Variants in FAM13B observed in about 807,000 individuals in gnomAD.
FAM13B encodes family with sequence similarity 13 member B, also known as protein FAM13B.
FAM13B carries 60 observed loss-of-function variants against 117.3 expected under a neutral mutation model. The ratio of observed to expected loss-of-function variants is 0.51; its 90% CI spans 0.42 to 0.63. FAM13B has a LOEUF of 0.63. Ranked by LOEUF, FAM13B falls within the 30% of genes least tolerant of loss-of-function variation. The pLI, the probability that FAM13B is intolerant of heterozygous loss-of-function variation, is 0.00. For missense variants in FAM13B, 972 were observed against 1,091.9 expected (o/e 0.89, Z 1.55); for synonymous variants, 332 against 356.1 (o/e 0.93, Z 0.76).
At chr5:138,014,801 T>G (rs1784876157) in intron 4 of FAM13B, among the ~76,000 whole-genome samples, 6 of 152,260 alleles carry the variant, frequency 3.9e-5, no homozygotes, top group Admixed American at 3.9e-4. Context: ...GTACCTATAC[T>G]GGCCTGTGTC....
At chr5:138,036,510 C>T (rs1791179543), upstream of FAM13B, 1 of 456,612 alleles carries the variant, frequency 2.2e-6, no homozygotes, top group Admixed American at 2.3e-5. Flanking sequence ...GTCAAGTGCT[C>T]TGAGCAGATC....
rs193118944 is a variant in FAM13B at position 138,046,112 on chromosome 5, G to A, written c.-203+5766C>T. Among the ~76,000 whole-genome samples, 628 of 152,234 alleles carry A rather than the reference G, an allele frequency of 4.1e-3. 4 individuals are homozygous for A. Among genetic ancestry groups the A allele is most frequent in the African/African-American group, 0.014 (575 of 41,542 alleles). On this transcript the variant is annotated intron_variant, in intron 1 of 3. Transcript: ENST00000502471. ...TCGTGATAGTGAATAAGGCTCACAC[G>A]ATCTGGTGGTTTTTATAAGGTGGAG... is the stretch of plus-strand genomic sequence containing the variant.
intron 20 of FAM13B, 62 bp from the exon 21 acceptor site, chr5:137,943,278 T>C (rs1269194248): frequency 2.4e-6 from 3 of 1,276,132 alleles, no homozygotes; most frequent in Non-Finnish European, 3.4e-6. Context: ...CCAGTGAAGC[T>C]TCCCTTCATT....
intron 1 of FAM13B, among the ~76,000 whole-genome samples, chr5:138,044,956 C>T (rs1791600885): frequency 6.6e-6 from 1 of 152,164 alleles, no homozygotes; most frequent in African/African-American, 2.4e-5. Flanking sequence ...ATAAACTCGC[C>T]AGCATGGCCA....
Position 137,979,138 on chromosome 5 carries a change from G to A in FAM13B, c.1179+6119C>T, listed in dbSNP as rs543923120. Among the ~76,000 whole-genome samples, 7 of 151,620 alleles carry A rather than the reference G, an allele frequency of 4.6e-5. No homozygotes were observed. The East Asian group carries it at 1.4e-3, about 29-fold the overall frequency. On this transcript the variant is annotated intron_variant, in intron 10 of 23. Transcript: ENST00000689681. ...AGAGATTCTCCAGCCTCAGCCTCCC[G>A]AGTAGCTGGGATTACAAGCATGTGC...
At chr5:138,015,804 A>C (rs1365007374) in intron 4 of FAM13B, among the ~76,000 whole-genome samples, 1 of 152,248 alleles carries the variant, frequency 6.6e-6, no homozygotes, top group Non-Finnish European at 1.5e-5. Flanking sequence ...TGAATGAATG[A>C]TCAGATGATA....
chr5:137,942,262 C>CATACAACCATATG, intron 22 of FAM13B: 1 of 554,246 alleles, frequency 1.8e-6, no homozygotes, highest in South Asian at 2.5e-5. Flanking sequence ...GAACCAGTGA[C>CATACAACCATATG]ATACACCATA....
At chr5:138,036,227 TACA>T (rs1305832307), upstream of FAM13B, 7 of 357,022 alleles carry the variant, frequency 2.0e-5, no homozygotes. Context: ...CAAACTAAAT[TACA>T]ACGACTGCTT....
chr5:137,942,462 G>C (rs948471576), intron 22 of FAM13B: 4 of 210,140 alleles, frequency 1.9e-5, no homozygotes, highest in African/African-American at 4.7e-5. Flanking sequence ...AGAGAATCAA[G>C]TGATCCTCTT....
At chr5:137,953,514 C>A in intron 15 of FAM13B, 49 bp from the exon 16 acceptor site, 1 of 1,592,408 alleles carries the variant, frequency 6.3e-7, no homozygotes, top group Non-Finnish European at 8.6e-7. Context: ...AGTACCAACA[C>A]TGTATCTCTT....
intron 1 of FAM13B, among the ~76,000 whole-genome samples, chr5:138,030,972 G>T (rs1789809568): frequency 6.6e-6 from 1 of 152,012 alleles, no homozygotes; most frequent in Non-Finnish European, 1.5e-5. Flanking sequence ...GGCAGAGGTT[G>T]CAGTCAGCCG....
At chr5:137,979,519 A>G (rs759925091) in intron 10 of FAM13B, among the ~76,000 whole-genome samples, 2 of 152,210 alleles carry the variant, frequency 1.3e-5, no homozygotes, top group Non-Finnish European at 2.9e-5. Context: ...TTAAGATAGT[A>G]TTCCAGGCTC....
intron 10 of FAM13B, among the ~76,000 whole-genome samples, chr5:137,984,387 T>A (rs2150560848): frequency 6.6e-6 from 1 of 152,346 alleles, no homozygotes. Flanking sequence ...TAACCTTAAC[T>A]TTGCTTACAG....
intron 7 of FAM13B, among the ~76,000 whole-genome samples, chr5:137,993,512 G>A (rs1779150944): frequency 6.6e-6 from 1 of 151,832 alleles, no homozygotes; most frequent in African/African-American, 2.4e-5. Context: ...GCTGAGCATG[G>A]TGGCTCATGC....
chr5:137,946,179 T>TATG, intron 19 of FAM13B, 49 bp downstream of exon 19: 1 of 1,492,968 alleles, frequency 6.7e-7, no homozygotes, highest in South Asian at 1.2e-5. Flanking sequence ...TTGATTCATG[T>TATG]TCTTTTTTAA....
At chr5:138,005,081 A>G (rs946630864) in intron 7 of FAM13B, among the ~76,000 whole-genome samples, 1 of 152,056 alleles carries the variant, frequency 6.6e-6, no homozygotes, top group Non-Finnish European at 1.5e-5. Flanking sequence ...CTCCTAAAAT[A>G]CAAAAGTTAG....
chr5:137,951,233 A>AT (rs1457502693), intron 17 of FAM13B, among the ~76,000 whole-genome samples: 17 of 147,002 alleles, frequency 1.2e-4, no homozygotes, highest in Non-Finnish European at 1.6e-4. Context: ...AAAAAAAAAA[A>AT]GGAGAGAGAG....
intron 10 of FAM13B, among the ~76,000 whole-genome samples, chr5:137,983,522 GTTTT>G (rs1776414953): frequency 6.6e-6 from 1 of 152,260 alleles, no homozygotes; most frequent in South Asian, 2.1e-4. Flanking sequence ...TCGAGAGAGG[GTTTT>G]TTCTGAACTT....
In FAM13B at chr5:137,984,048, A is replaced by G. The variant is rs561019503; in HGVS notation, c.1179+1209T>C. Among the ~76,000 whole-genome samples the G allele has an allele frequency of 2.2e-3, 329 of 152,318 alleles. 3 individuals carry two copies. Among genetic ancestry groups the G allele is most frequent in the African/African-American group, 7.5e-3 (311 of 41,570 alleles). On this transcript the variant is annotated intron_variant, in intron 10 of 23. Coordinates refer to ENST00000689681, the MANE Select transcript of FAM13B (RefSeq NM_001385994.1). ...ATGCTGCTTTTTACATTTAATGGCA[A>G]TTATATTAAAAAAAGTTACTAACAA...
Sources: allele counts gnomAD v4.1 joint callset (sites outside exome capture counted in the v4.1 genomes callset), GRCh38; gene constraint gnomAD v4.1.1; transcripts MANE v1.5; gene names NCBI Gene and HGNC (gene_info 2026-07-23, HGNC 2026-07-21).